Variants in DCDC1 observed in about 807,000 individuals in gnomAD.
The protein encoded by DCDC1 is doublecortin domain containing 1, also known as doublecortin domain-containing protein 1.
A neutral mutation model predicts 178.3 loss-of-function variants in DCDC1; 200 were observed. The observed-to-expected ratio is 1.12, with a 90% CI of 1.00 to 1.26. The LOEUF is 1.26. Among genes scored for constraint, DCDC1 ranks in the 50% most tolerant of loss-of-function variants. DCDC1 has a pLI of 0.00. For missense variants in DCDC1, 1,983 were observed against 1,749.2 expected (o/e 1.13, Z -2.38); for synonymous variants, 690 against 604.8 (o/e 1.14, Z -2.07).
At chr11:31,362,528 GA>G (rs1196499564) in intron 1 of DCDC1, among the ~76,000 whole-genome samples, 1 of 152,110 alleles carries the variant, frequency 6.6e-6, no homozygotes, top group Non-Finnish European at 1.5e-5. Flanking sequence ...AATGCAGAGT[GA>G]AAATGCTGTC....
chr11:31,360,159 CTATTTATAACT>C (rs745530217), intron 1 of DCDC1, among the ~76,000 whole-genome samples: 4 of 152,158 alleles, frequency 2.6e-5, no homozygotes, highest in Non-Finnish European at 5.9e-5. Flanking sequence ...GAAGATACAG[CTATTTATAACT>C]TACAGTTTCA....
intron 6 of DCDC1, among the ~76,000 whole-genome samples, chr11:31,294,847 AAAG>A (rs1421625715): frequency 6.7e-6 from 1 of 149,002 alleles, no homozygotes; most frequent in African/African-American, 2.5e-5. Context: ...AGAAAGAAAG[AAAG>A]AAAGAAAGAA....
intron 18 of DCDC1, among the ~76,000 whole-genome samples, chr11:31,067,899 A>C (rs1274386946): frequency 1.3e-5 from 2 of 152,186 alleles, no homozygotes; most frequent in African/African-American, 4.8e-5. Flanking sequence ...GTCAAGTCCA[A>C]GATGTCTTTT....
intron 19 of DCDC1, 50 bp downstream of exon 19, chr11:31,064,964 TCAAAA>T: frequency 1.5e-6 from 1 of 665,994 alleles, no homozygotes; most frequent in Non-Finnish European, 2.7e-6. Flanking sequence ...TTTTCTTTTT[TCAAAA>T]TATATTTTAG....
chr11:31,074,611 C>T (rs558076357), intron 18 of DCDC1, among the ~76,000 whole-genome samples: 1 of 152,222 alleles, frequency 6.6e-6, no homozygotes, highest in South Asian at 2.1e-4. Flanking sequence ...TCTTAGACTC[C>T]CCAGCCCTCA....
rs778371342 is a variant in DCDC1, at chr11:31,103,762, G to T, written c.1759C>A (p.Leu587Ile). The change falls in exon 14 of 39, where the codon CTA becomes ATA. Residue 587 changes from leucine (L) to isoleucine (I), a missense_variant. Physicochemically the swap from Leu to Ile is conservative, Grantham distance 5. Transcript: ENST00000684477. ...VSYGRAYRSP[L>I]NLALGLTFDR... is the part of the protein sequence containing the mutation. ...AAGGTCAAACCCAAAGCAAGATTTA[G>T]TGGAGATCTGAAAAACGGATAAAAC... 1 of 761,200 alleles carries T rather than the reference G, an allele frequency of 1.3e-6. No homozygotes were observed. The highest frequency in any genetic ancestry group is 2.4e-5 in the East Asian group (1 of 41,126). 47.2% of individuals were successfully genotyped at this position (761,200 alleles called of 1,614,324 possible).
intron 6 of DCDC1, among the ~76,000 whole-genome samples, chr11:31,293,121 A>G (rs1591664057): frequency 6.6e-6 from 1 of 152,174 alleles, no homozygotes; most frequent in Admixed American, 6.5e-5. Context: ...AAATTACCTA[A>G]CATATCGAAG....
intron 20 of DCDC1, among the ~76,000 whole-genome samples, chr11:30,983,996 A>G (rs1043677394): frequency 3.3e-5 from 5 of 152,200 alleles, no homozygotes; most frequent in Admixed American, 2.6e-4. Flanking sequence ...TTTATATACA[A>G]TAGTGGAGGA....
intron 18 of DCDC1, among the ~76,000 whole-genome samples, chr11:31,070,530 A>G (rs977332639): frequency 6.6e-6 from 1 of 152,198 alleles, no homozygotes. Context: ...CAAATAGCAC[A>G]TACTGGTTAA....
At chr11:30,881,114 T>G (rs1250207417) in intron 37 of DCDC1, 44 bp downstream of exon 37, 2 of 1,605,596 alleles carry the variant, frequency 1.2e-6, no homozygotes, top group Non-Finnish European at 8.5e-7. Context: ...ATTGAATGCT[T>G]TAATTCTTCA....
rs1380517310 is a variant in DCDC1 at position 30,985,073 on chromosome 11, G to A, written c.2592-32505C>T. Reference sequence around the variant, plus strand: ...TTCCTTGTGAATCATCCCAAGAAAGGAGACACTGACTCCTTAATTTAAATA... The same window carrying A: ...TTCCTTGTGAATCATCCCAAGAAAGAAGACACTGACTCCTTAATTTAAATA... On this transcript the variant is annotated intron_variant, in intron 20 of 38. Transcript: ENST00000684477. 2.6e-5 allele frequency among the ~76,000 whole-genome samples: 4 copies of A among 152,058 alleles called. No homozygotes were observed. The East Asian group carries it at 7.7e-4, about 29-fold the overall frequency.
Position 31,055,205 on chromosome 11 carries a change from T to C in DCDC1, c.2591+9264A>G, listed in dbSNP as rs142387117. 3.3e-5 allele frequency among the ~76,000 whole-genome samples: 5 copies of C among 152,022 alleles called. No individual in the cohort carries two copies. In the East Asian group the frequency reaches 9.7e-4, roughly 29 times the overall value. ...CCTAAACAACTCTCAAAAGAAGATATACAAATGGCCAACAAACATATGAAA... is the reference window on the plus strand; with the variant it reads ...CCTAAACAACTCTCAAAAGAAGATACACAAATGGCCAACAAACATATGAAA... On this transcript the variant is annotated intron_variant, in intron 20 of 38. Transcript: ENST00000684477.
intron 7 of DCDC1, among the ~76,000 whole-genome samples, chr11:31,272,446 C>G (rs1945638488): frequency 6.6e-6 from 1 of 152,156 alleles, no homozygotes; most frequent in South Asian, 2.1e-4. Flanking sequence ...CTCAAAAGTC[C>G]ACAGTCCAAA....
intron 9 of DCDC1, among the ~76,000 whole-genome samples, chr11:31,138,251 AT>A (rs1158719237): frequency 6.6e-6 from 1 of 152,216 alleles, no homozygotes; most frequent in Non-Finnish European, 1.5e-5. Flanking sequence ...ATAATATTTC[AT>A]GACAAAGGAT....
At chr11:31,223,298 T>C (rs1267885861) in intron 9 of DCDC1, among the ~76,000 whole-genome samples, 1 of 152,146 alleles carries the variant, frequency 6.6e-6, no homozygotes, top group African/African-American at 2.4e-5. Flanking sequence ...TTAACTATTA[T>C]TTGATAAATA....
chr11:31,245,048 T>C (rs567975086), intron 8 of DCDC1, among the ~76,000 whole-genome samples: 2 of 151,624 alleles, frequency 1.3e-5, no homozygotes, highest in Admixed American at 6.6e-5. Flanking sequence ...TTTCATTCCT[T>C]TTCCATTTCC....
intron 9 of DCDC1, among the ~76,000 whole-genome samples, chr11:31,239,249 G>A (rs1221580887): frequency 1.3e-5 from 2 of 152,008 alleles, no homozygotes; most frequent in South Asian, 2.1e-4. Flanking sequence ...AAATAGAAAA[G>A]GCTATACCAA....
At chr11:31,196,579 T>C (rs748912320) in intron 9 of DCDC1, among the ~76,000 whole-genome samples, 1 of 152,042 alleles carries the variant, frequency 6.6e-6, no homozygotes, top group Non-Finnish European at 1.5e-5. Context: ...CAGTTTATTA[T>C]AAAGGCTACA....
intron 20 of DCDC1, among the ~76,000 whole-genome samples, chr11:30,989,321 T>C (rs1457081687): frequency 6.6e-6 from 1 of 152,218 alleles, no homozygotes; most frequent in Non-Finnish European, 1.5e-5. Flanking sequence ...TATTTTTCAA[T>C]ATTTCATTTA....
Sources: allele counts gnomAD v4.1 joint callset (sites outside exome capture counted in the v4.1 genomes callset), GRCh38; gene constraint gnomAD v4.1.1; transcripts MANE v1.5; gene names NCBI Gene and HGNC (gene_info 2026-07-23, HGNC 2026-07-21).